NLGN4Y: variants seen among roughly 807,000 people sequenced by gnomAD.
The protein encoded by NLGN4Y is neuroligin 4 Y-linked.
A neutral mutation model predicts 8.4 loss-of-function variants in NLGN4Y; 4 were observed. The observed-to-expected ratio is 0.48, with a 90% CI of 0.23 to 1.09. NLGN4Y has a LOEUF of 1.09. Among genes scored for constraint, NLGN4Y ranks in the 50% least tolerant of loss-of-function variants. The pLI, the probability that NLGN4Y is intolerant of heterozygous loss-of-function variation, is 0.19. For missense variants in NLGN4Y, 90 were observed against 192.3 expected (o/e 0.47, Z 3.15); for synonymous variants, 35 against 75.6 (o/e 0.46, Z 2.78).
chrY:14,808,671 G>A (rs2043065327), intron 4 of NLGN4Y, among the ~76,000 whole-genome samples: 1 of 34,023 alleles, frequency 2.9e-5, no homozygotes, highest in East Asian at 7.8e-4. Context: ...GATTATGTAG[G>A]TGACTCCTGC....
At chrY:14,687,246 T>C (rs986247307) in intron 2 of NLGN4Y, among the ~76,000 whole-genome samples, 2 of 32,534 alleles carry the variant, frequency 6.1e-5, no homozygotes, top group African/African-American at 1.2e-4. Context: ...GTCGAGAATT[T>C]AAAGAGTTAA....
chrY:14,629,945 G>T (rs979694785), intron 2 of NLGN4Y, among the ~76,000 whole-genome samples: 18 of 33,558 alleles, frequency 5.4e-4, no homozygotes, highest in Admixed American at 1.4e-3. Context: ...TTCTAATTTT[G>T]AGTGATAGGT....
At chrY:14,601,259 G>A (rs2080425360) in intron 1 of NLGN4Y, among the ~76,000 whole-genome samples, 1 of 30,351 alleles carries the variant, frequency 3.3e-5, no homozygotes, top group Non-Finnish European at 7.9e-5. Context: ...ACACCACCTC[G>A]CCCACCTAAT....
intron 4 of NLGN4Y, among the ~76,000 whole-genome samples, chrY:14,734,651 A>T (rs2080986772): frequency 3.0e-5 from 1 of 33,678 alleles, no homozygotes; most frequent in Non-Finnish European, 7.4e-5. Flanking sequence ...TGGGAAATAA[A>T]CAGAGTCCCT....
chrY:14,596,702 G>A, intron 1 of NLGN4Y, among the ~76,000 whole-genome samples: 1 of 33,396 alleles, frequency 3.0e-5, no homozygotes, highest in Admixed American at 2.7e-4. Context: ...TGACACCCGC[G>A]TCTTTAGTCT....
intron 1 of NLGN4Y, among the ~76,000 whole-genome samples, chrY:14,614,044 G>A (rs2080478521): frequency 6.0e-5 from 2 of 33,123 alleles, no homozygotes; most frequent in African/African-American, 1.2e-4. Flanking sequence ...AATAATTTAC[G>A]CTCCCACCAA....
At chrY:14,657,910 A>C in intron 2 of NLGN4Y, among the ~76,000 whole-genome samples, 1 of 33,622 alleles carries the variant, frequency 3.0e-5, no homozygotes, top group Non-Finnish European at 7.4e-5. Flanking sequence ...TTTTTAGTAG[A>C]TATGAGGTCT....
intron 6 of NLGN4Y, 47 bp from the exon 7 acceptor site, chrY:14,840,366 C>A: frequency 5.2e-6 from 2 of 386,341 alleles, no homozygotes; most frequent in Non-Finnish European, 7.3e-6. Flanking sequence ...TTTCATATCA[C>A]ATGTGGAAGA....
At chrY:14,660,900 G>A in intron 2 of NLGN4Y, among the ~76,000 whole-genome samples, 1 of 32,803 alleles carries the variant, frequency 3.0e-5, no homozygotes, top group East Asian at 8.1e-4. Flanking sequence ...TCTTTATTTC[G>A]GTGGCAGTAA....
chrY:14,755,262 A>G, intron 4 of NLGN4Y, among the ~76,000 whole-genome samples: 3 of 33,479 alleles, frequency 9.0e-5, no homozygotes, highest in Admixed American at 2.8e-4. Context: ...TTAGTCTGAC[A>G]TTAACATTAC....
intron 1 of NLGN4Y, among the ~76,000 whole-genome samples, chrY:14,544,805 G>A (rs749284224): frequency 7.7e-4 from 20 of 25,999 alleles, no homozygotes; most frequent in African/African-American, 3.0e-3. Context: ...TATACTTTAA[G>A]TTTTAGGGTA....
chrY:14,826,454 C>T (rs2150594191), intron 5 of NLGN4Y, among the ~76,000 whole-genome samples: 1 of 29,809 alleles, frequency 3.4e-5, no homozygotes, highest in Admixed American at 3.1e-4. Flanking sequence ...GATTGTCCTG[C>T]GTCAGCTTCC....
At chrY:14,553,787 C>G (rs779252030) in intron 1 of NLGN4Y, among the ~76,000 whole-genome samples, 5 of 30,742 alleles carry the variant, frequency 1.6e-4, no homozygotes, top group African/African-American at 2.5e-4. Context: ...TAACACTATA[C>G]TAAATTTTTA....
intron 1 of NLGN4Y, among the ~76,000 whole-genome samples, chrY:14,570,612 T>C: frequency 3.0e-5 from 1 of 33,061 alleles, no homozygotes; most frequent in South Asian, 6.8e-4. Context: ...ATTTTTATTA[T>C]ACTTTAAGTT....
At chrY:14,678,500 G>T (rs2080757703) in intron 2 of NLGN4Y, among the ~76,000 whole-genome samples, 1 of 33,270 alleles carries the variant, frequency 3.0e-5, no homozygotes. Context: ...TTATGAGTTT[G>T]GTTTCTAGCT....
chrY:14,757,944 T>C (rs941124163), intron 4 of NLGN4Y, among the ~76,000 whole-genome samples: 28 of 34,505 alleles, frequency 8.1e-4, no homozygotes, highest in Non-Finnish European at 1.5e-3. Flanking sequence ...TTCCCAAGGG[T>C]ATACGATATC....
At chrY:14,765,456 T>C in intron 4 of NLGN4Y, among the ~76,000 whole-genome samples, 2 of 33,716 alleles carry the variant, frequency 5.9e-5, no homozygotes, top group Non-Finnish European at 1.5e-4. Flanking sequence ...ATGAGCTTCA[T>C]GATTCACATT....
chrY:14,553,720 A>T, intron 1 of NLGN4Y, among the ~76,000 whole-genome samples: 1 of 31,086 alleles, frequency 3.2e-5, no homozygotes, highest in Non-Finnish European at 7.7e-5. Context: ...TTGTAGATAT[A>T]TAAATTCTGA....
chrY:14,550,556 C>A lies in NLGN4Y; in HGVS notation c.-112+25848C>A, dbSNP rs760151656. Among the ~76,000 whole-genome samples, 15 of 34,115 alleles carry A rather than the reference C, an allele frequency of 4.4e-4. No homozygotes were observed. In the South Asian group the frequency reaches 9.8e-3, roughly 22 times the overall value. The allele number at this position is 34,115 out of a possible 37,273, so 91.5% of individuals were successfully genotyped here. A position where few individuals can be genotyped will look rare whatever the true frequency, so the allele number is the denominator to read the frequency against. ...TATTTAGTCCTTCCTTCAGGAGCTCCTGTAAGGCAGGCCTATGTTGACAAA... is the reference window on the plus strand; with the variant it reads ...TATTTAGTCCTTCCTTCAGGAGCTCATGTAAGGCAGGCCTATGTTGACAAA... On this transcript the variant is annotated intron_variant, in intron 1 of 6. Coordinates refer to ENST00000684976, the MANE Select transcript of NLGN4Y (RefSeq NM_001365588.1).
Sources: gnomAD v4.1 joint callset for allele counts (sites outside exome capture counted in the v4.1 genomes callset) on GRCh38, gnomAD v4.1.1 for gene constraint, MANE v1.5 for transcripts, NCBI Gene and HGNC (gene_info 2026-07-23, HGNC 2026-07-21) for gene names.